Variants in DOCK8 observed in about 807,000 individuals in gnomAD.
The protein encoded by DOCK8 is dedicator of cytokinesis protein 8.
DOCK8 carries 141 observed loss-of-function variants against 245.6 expected under a neutral mutation model. The ratio of observed to expected loss-of-function variants is 0.57; its 90% CI spans 0.50 to 0.66. DOCK8 has a LOEUF of 0.66. Ranked by LOEUF, DOCK8 falls within the 30% of genes least tolerant of loss-of-function variation. DOCK8 has a pLI of 0.00. For synonymous variants in DOCK8, 1,168 were observed against 970.2 expected (o/e 1.20, Z -3.79); for missense variants, 2,965 against 2,603.4 (o/e 1.14, Z -3.02).
chr9:263,793 CT>C lies in DOCK8; in HGVS notation c.54-7829del, dbSNP rs1351264761. On this transcript the variant is annotated intron_variant, in intron 1 of 47. Coordinates refer to ENST00000432829, the MANE Select transcript of DOCK8 (RefSeq NM_203447.4). ...TCATTGCATTGGTTTGTGGATTTCA[CT>C]TTTTCAATTGAGAAGTTAATTTTGT... 2.6e-5 allele frequency among the ~76,000 whole-genome samples: 4 copies of C among 152,234 alleles called. No homozygotes were observed. The East Asian group carries it at 7.7e-4, about 29-fold the overall frequency.
intron 14 of DOCK8, among the ~76,000 whole-genome samples, chr9:353,988 A>G (rs962745937): frequency 1.3e-5 from 2 of 152,172 alleles, no homozygotes; most frequent in African/African-American, 4.8e-5. Flanking sequence ...TCATGTTCTT[A>G]TACTTCTTTG....
chr9:390,621 C>T, intron 24 of DOCK8, 55 bp downstream of exon 24: 1 of 1,546,384 alleles, frequency 6.5e-7, no homozygotes, highest in Non-Finnish European at 8.9e-7. Flanking sequence ...AAGCACACAG[C>T]AGAAAGGAAT....
intron 46 of DOCK8, chr9:456,827 T>A (rs1488298464): frequency 6.6e-6 from 1 of 152,182 alleles, no homozygotes; most frequent in African/African-American, 2.4e-5. Context: ...AATTTTCTTC[T>A]TTATACTTAT....
At chr9:254,327 A>G (rs1336572) in intron 1 of DOCK8, among the ~76,000 whole-genome samples, 2,739 of 152,318 alleles carry the variant, frequency 0.018, 45 homozygotes, top group South Asian at 0.048. Context: ...CAGAAAATGA[A>G]TAATTCCCAA....
intron 28 of DOCK8, among the ~76,000 whole-genome samples, chr9:409,070 C>A (rs1169156783): frequency 6.6e-6 from 1 of 152,098 alleles, no homozygotes; most frequent in Non-Finnish European, 1.5e-5. Flanking sequence ...AGAAAAATGT[C>A]ATGCTTCAAC....
chr9:257,526 GT>G (rs1465725816), intron 1 of DOCK8, among the ~76,000 whole-genome samples: 1 of 151,998 alleles, frequency 6.6e-6, no homozygotes, highest in Non-Finnish European at 1.5e-5. Context: ...TTTGTTTTTG[GT>G]TTTGTTTTTT....
chr9:435,982 C>T (rs914743166), intron 39 of DOCK8, among the ~76,000 whole-genome samples: 1 of 152,162 alleles, frequency 6.6e-6, no homozygotes, highest in Non-Finnish European at 1.5e-5. Flanking sequence ...ATTTACATGG[C>T]TGATTTTATG....
At chr9:327,701 C>G (rs938243693) in intron 8 of DOCK8, among the ~76,000 whole-genome samples, 9 of 152,164 alleles carry the variant, frequency 5.9e-5, no homozygotes, top group Admixed American at 5.9e-4. Context: ...CCAGTCCTTC[C>G]CTCATTCTTG....
Position 419,699 on chromosome 9 carries a change from CATT to C in DOCK8, c.3841-701_3841-699del, listed in dbSNP as rs200629462. On this transcript the variant is annotated intron_variant, in intron 30 of 47. Coordinates refer to ENST00000432829, the MANE Select transcript of DOCK8 (RefSeq NM_203447.4). The stretch of plus-strand genomic sequence containing the variant: ...GCTGCATGAACCAAGGGTGCAGCCT[CATT>C]GTTGTTGTTTGTGTTGATGAGATGA... Among the ~76,000 whole-genome samples, 1,244 of 152,288 alleles carry C rather than the reference CATT, an allele frequency of 8.2e-3. 7 individuals are homozygous for C. Among genetic ancestry groups the C allele is most frequent in the Non-Finnish European group, 0.011 (779 of 68,040 alleles).
intron 18 of DOCK8, among the ~76,000 whole-genome samples, chr9:373,941 G>A (rs1200133417): frequency 6.6e-6 from 1 of 152,158 alleles, no homozygotes; most frequent in Non-Finnish European, 1.5e-5. Context: ...TTAAGCTATA[G>A]GAAAGACCTG....
At chr9:339,847 C>G (rs897364602) in intron 13 of DOCK8, among the ~76,000 whole-genome samples, 8 of 152,144 alleles carry the variant, frequency 5.3e-5, no homozygotes, top group South Asian at 2.1e-4. Flanking sequence ...ATTTTTACTG[C>G]TAGCAATGCA....
At chr9:403,947 T>C (rs1246427391) in intron 26 of DOCK8, among the ~76,000 whole-genome samples, 5 of 80,236 alleles carry the variant, frequency 6.2e-5, no homozygotes, top group African/African-American at 4.1e-4. Flanking sequence ...TATATATGTG[T>C]ATATATATAT....
intron 1 of DOCK8, among the ~76,000 whole-genome samples, chr9:271,289 C>G (rs1479655052): frequency 6.6e-6 from 1 of 152,180 alleles, no homozygotes. Flanking sequence ...TACCAGACAT[C>G]CTCACATAGA....
intron 18 of DOCK8, among the ~76,000 whole-genome samples, chr9:375,651 G>T (rs2053483887): frequency 1.3e-5 from 2 of 152,160 alleles, no homozygotes; most frequent in Non-Finnish European, 2.9e-5. Context: ...CTCACAGCAT[G>T]AGAACAGAAC....
intron 12 of DOCK8, among the ~76,000 whole-genome samples, chr9:337,924 C>G (rs1425088404): frequency 6.6e-6 from 1 of 152,136 alleles, no homozygotes; most frequent in African/African-American, 2.4e-5. Flanking sequence ...GAGGCCGAGG[C>G]AGGTGGATTA....
intron 5 of DOCK8, among the ~76,000 whole-genome samples, chr9:306,733 C>T (rs1309848071): frequency 2.0e-5 from 3 of 152,142 alleles, no homozygotes; most frequent in African/African-American, 7.2e-5. Context: ...GAACCTCATA[C>T]TTTTTAATTA....
intron 1 of DOCK8, among the ~76,000 whole-genome samples, chr9:247,297 A>G (rs1022836651): frequency 1.3e-5 from 2 of 152,184 alleles, no homozygotes; most frequent in Non-Finnish European, 2.9e-5. Context: ...CAGATTATGA[A>G]TATCTATTTT....
intron 1 of DOCK8, among the ~76,000 whole-genome samples, chr9:250,433 C>T (rs951652461): frequency 6.6e-6 from 1 of 152,166 alleles, no homozygotes; most frequent in Non-Finnish European, 1.5e-5. Context: ...AGACCATTTA[C>T]AATAACCTAT....
At chr9:274,615 G>T (rs769155952) in intron 2 of DOCK8, among the ~76,000 whole-genome samples, 1 of 151,630 alleles carries the variant, frequency 6.6e-6, no homozygotes, top group Non-Finnish European at 1.5e-5. Flanking sequence ...CCGAATGAAG[G>T]TTCCCCAAAA....
Sources: gnomAD v4.1 joint callset for allele counts (sites outside exome capture counted in the v4.1 genomes callset) on GRCh38, gnomAD v4.1.1 for gene constraint, MANE v1.5 for transcripts, NCBI Gene and HGNC (gene_info 2026-07-23, HGNC 2026-07-21) for gene names.